Variants in DNAJC3 observed in about 807,000 individuals in gnomAD.
The protein encoded by DNAJC3 is DnaJ heat shock protein family (Hsp40) member C3, also known as dnaJ homolog subfamily C member 3.
A neutral mutation model predicts 68.6 loss-of-function variants in DNAJC3; 38 were observed. That is an observed-to-expected ratio of 0.55 (90% CI 0.43 to 0.73). The LOEUF (loss-of-function observed/expected upper bound fraction) is 0.73. DNAJC3 is among the 30% of genes least tolerant of loss of function. DNAJC3 has a pLI of 0.00. For synonymous variants in DNAJC3, 203 were observed against 204.0 expected, an observed-to-expected ratio of 1.00 and a Z score of 0.04; for missense variants, 526 against 591.9, an observed-to-expected ratio of 0.89 and a Z score of 1.16.
chr13:95,723,432 A>G (rs1485218979), intron 3 of DNAJC3, 66 bp downstream of exon 3: 3 of 1,554,056 alleles, frequency 1.9e-6, no homozygotes, highest in African/African-American at 2.7e-5. Context: ...AATTTGTTTC[A>G]TAAGGTGAGG....
At chr13:95,701,946 A>C (rs1880596224) in intron 1 of DNAJC3, among the ~76,000 whole-genome samples, 1 of 152,180 alleles carries the variant, frequency 6.6e-6, no homozygotes. Context: ...CCCTATACCC[A>C]TCATCTAGAT....
chr13:95,727,906 G>T (rs1203296572), intron 4 of DNAJC3, among the ~76,000 whole-genome samples: 1 of 152,044 alleles, frequency 6.6e-6, no homozygotes, highest in East Asian at 1.9e-4. Flanking sequence ...ATCCCACCCT[G>T]CTCTGGCCCC....
chr13:95,735,894 C>G (rs966755385), intron 4 of DNAJC3, among the ~76,000 whole-genome samples: 19 of 152,192 alleles, frequency 1.2e-4, no homozygotes, highest in African/African-American at 4.6e-4. Flanking sequence ...GAAGTCTTTG[C>G]CCATGCCTAT....
intron 3 of DNAJC3, among the ~76,000 whole-genome samples, chr13:95,724,744 C>T (rs563478105): frequency 6.6e-6 from 1 of 152,192 alleles, no homozygotes; most frequent in South Asian, 2.1e-4. Flanking sequence ...TAATGTTTGG[C>T]CTTTTGTGTC....
intron 1 of DNAJC3, 125 bp downstream of exon 1, chr13:95,677,462 G>C: frequency 1.0e-6 from 1 of 1,000,132 alleles, no homozygotes; most frequent in Non-Finnish European, 1.4e-6. Flanking sequence ...GGGGGAGCCC[G>C]CGGCCTGGCT....
Position 95,784,125 on chromosome 13 carries a change from C to T in DNAJC3, c.1076-1814C>T, listed in dbSNP as rs116413623. Among the ~76,000 whole-genome samples the T allele has an allele frequency of 2.2e-3, 339 of 152,242 alleles. 3 individuals are homozygous for T. The highest frequency in any genetic ancestry group is 7.7e-3 in the African/African-American group (320 of 41,532). ...ACATTCCCTCCATGTTTAGCTGTTG[C>T]GAAGATGAGTGTTCACATGTCTTTT... On this transcript the variant is annotated intron_variant, in intron 9 of 11. Coordinates refer to ENST00000602402, the MANE Select transcript of DNAJC3 (RefSeq NM_006260.5).
intron 9 of DNAJC3, among the ~76,000 whole-genome samples, chr13:95,764,347 TTCTCTC>T (rs3051424): frequency 1.2e-3 from 151 of 130,058 alleles, no homozygotes; most frequent in African/African-American, 3.3e-3. Flanking sequence ...CATATACATA[TTCTCTC>T]TCTCTCTCTC....
chr13:95,677,282 C>T lies in DNAJC3; in HGVS notation c.27C>T (p.Ser9=). The stretch of plus-strand genomic sequence containing the variant: ...TGGTGGCCCCCGGCTCCGTGACCAG[C>T]CGGCTGGGCTCGGTATTCCCCTTCC... The part of the protein sequence containing the change: MVAPGSVT[S]RLGSVFPFLL... The change falls in exon 1 of 12, where the codon AGC becomes AGT. Residue 9 remains serine, a synonymous_variant. Transcript: ENST00000602402. The T allele has an allele frequency of 1.2e-6, 2 of 1,602,600 alleles. No homozygotes were observed. Among genetic ancestry groups the T allele is most frequent in the African/African-American group, 1.4e-5 (1 of 73,060 alleles).
intron 9 of DNAJC3, among the ~76,000 whole-genome samples, chr13:95,764,347 TTC>T (rs3051424): frequency 0.26 from 33,412 of 129,394 alleles, 4,365 homozygotes; most frequent in South Asian, 0.35. Context: ...CATATACATA[TTC>T]TCTCTCTCTC....
At chr13:95,762,984 T>C (rs995906816) in intron 7 of DNAJC3, among the ~76,000 whole-genome samples, 2 of 152,270 alleles carry the variant, frequency 1.3e-5, no homozygotes, top group South Asian at 4.1e-4. Flanking sequence ...ATATGAAGAT[T>C]GTAGCACTTT....
chr13:95,677,350 C>A lies in DNAJC3; in HGVS notation c.82+13C>A. The A allele has an allele frequency of 6.3e-7, 1 of 1,578,252 alleles. No individual in the cohort carries two copies. The highest frequency in any genetic ancestry group is 8.6e-7 in the Non-Finnish European group (1 of 1,163,290). On this transcript the variant is annotated intron_variant, in intron 1 of 11. Transcript: ENST00000602402. ...CTGCAGTACGAAGGTGAGTCCTGCCCTGCCCCGGCCAGGAAGTGGGCTCCC... is the reference window on the plus strand; with the variant it reads ...CTGCAGTACGAAGGTGAGTCCTGCCATGCCCCGGCCAGGAAGTGGGCTCCC...
At chr13:95,757,931 G>T (rs1481462367) in intron 5 of DNAJC3, 135 bp downstream of exon 5, 1 of 940,640 alleles carries the variant, frequency 1.1e-6, no homozygotes. Context: ...TGCCTCTTAA[G>T]TATAAAATAG....
At chr13:95,732,027 A>G (rs1881733004) in intron 4 of DNAJC3, among the ~76,000 whole-genome samples, 1 of 150,776 alleles carries the variant, frequency 6.6e-6, no homozygotes, top group African/African-American at 2.5e-5. Context: ...GGCATCAGCC[A>G]CTGCACCCAG....
chr13:95,784,577 C>T (rs1344174120), intron 9 of DNAJC3, among the ~76,000 whole-genome samples: 2 of 152,162 alleles, frequency 1.3e-5, no homozygotes, highest in East Asian at 3.9e-4. Flanking sequence ...TGGCCTGCAC[C>T]AAAATCCCAG....
Position 95,763,983 on chromosome 13 carries a change from C to T in DNAJC3, c.1075+30C>T, listed in dbSNP as rs2139677984. 1.9e-6 allele frequency: 3 copies of T among 1,606,376 alleles called. No homozygotes were observed. The East Asian group carries it at 6.7e-5, about 36-fold the overall frequency. On this transcript the variant is annotated intron_variant, in intron 9 of 11. Transcript: ENST00000602402. ...ATCTTTAAGGATTTGATTTGCAGTACCGAAGTGTTGATTAGGAAATTATCA... is the reference window on the plus strand; with the variant it reads ...ATCTTTAAGGATTTGATTTGCAGTATCGAAGTGTTGATTAGGAAATTATCA...
intron 1 of DNAJC3, among the ~76,000 whole-genome samples, chr13:95,708,285 C>T (rs1175688247): frequency 2.6e-5 from 4 of 152,064 alleles, no homozygotes; most frequent in African/African-American, 4.8e-5. Flanking sequence ...GTGCAGGTAC[C>T]GAAGGATGAA....
At chr13:95,688,040 A>G (rs1191109805) in intron 1 of DNAJC3, among the ~76,000 whole-genome samples, 2 of 152,268 alleles carry the variant, frequency 1.3e-5, no homozygotes, top group East Asian at 1.9e-4. Flanking sequence ...GTGTGTGGCT[A>G]TTAAAAATGG....
intron 1 of DNAJC3, among the ~76,000 whole-genome samples, chr13:95,705,302 G>T (rs1387981590): frequency 6.6e-6 from 1 of 152,098 alleles, no homozygotes; most frequent in Non-Finnish European, 1.5e-5. Context: ...ATTATTAAGA[G>T]CCTCTGCATT....
chr13:95,735,053 G>C (rs149570626), intron 4 of DNAJC3, among the ~76,000 whole-genome samples: 158 of 149,718 alleles, frequency 1.1e-3, no homozygotes, highest in African/African-American at 3.7e-3. Context: ...TCCCACCTAT[G>C]AGTGAGAACA....
Sources: gnomAD v4.1 joint callset for allele counts (sites outside exome capture counted in the v4.1 genomes callset) on GRCh38, gnomAD v4.1.1 for gene constraint, MANE v1.5 for transcripts, NCBI Gene and HGNC (gene_info 2026-07-23, HGNC 2026-07-21) for gene names.